Variants in RARS1 observed in about 807,000 individuals in gnomAD.
RARS1 encodes the protein arginine--tRNA ligase, cytoplasmic.
RARS1 carries 75 observed loss-of-function variants against 78.7 expected under a neutral mutation model. That is an observed-to-expected ratio of 0.95 (90% CI 0.79 to 1.15). RARS1 has a LOEUF of 1.15. Among genes scored for constraint, RARS1 ranks in the 50% most tolerant of loss-of-function variants. The pLI, the probability that RARS1 is intolerant of heterozygous loss-of-function variation, is 0.00. For synonymous variants in RARS1, 273 were observed against 268.2 expected (o/e 1.02, Z -0.18); for missense variants, 787 against 787.5 (o/e 1.00, Z 0.01).
chr5:168,505,908 A>T (rs1196011041), intron 9 of RARS1, 113 bp from the exon 10 acceptor site: 4 of 929,406 alleles, frequency 4.3e-6, no homozygotes, highest in Middle Eastern at 3.3e-4. Context: ...TCTAATAAAT[A>T]TATTTCAAAA....
At chr5:168,509,047 A>G (rs542626972) in intron 11 of RARS1, among the ~76,000 whole-genome samples, 71 of 152,220 alleles carry the variant, frequency 4.7e-4, no homozygotes, top group African/African-American at 1.7e-3. Flanking sequence ...TTGTAGAGCC[A>G]CTAGTCAGAA....
chr5:168,490,464 A>C (rs991256288), intron 2 of RARS1, among the ~76,000 whole-genome samples: 5 of 152,132 alleles, frequency 3.3e-5, no homozygotes, highest in African/African-American at 1.2e-4. Context: ...ATTTTACTAC[A>C]CATTTTTCTG....
chr5:168,503,330 T>C (rs1157559387), intron 9 of RARS1, among the ~76,000 whole-genome samples: 1 of 152,254 alleles, frequency 6.6e-6, no homozygotes, highest in Non-Finnish European at 1.5e-5. Flanking sequence ...GATTCTCTTA[T>C]GCTGAACTTT....
At chr5:168,501,055 A>G in intron 8 of RARS1, among the ~76,000 whole-genome samples, 1 of 152,230 alleles carries the variant, frequency 6.6e-6, no homozygotes, top group East Asian at 1.9e-4. Context: ...TGAGAAGTGT[A>G]CAATGAGATG....
At chr5:168,487,122 G>A (rs934864986) in intron 1 of RARS1, among the ~76,000 whole-genome samples, 5 of 152,150 alleles carry the variant, frequency 3.3e-5, no homozygotes, top group African/African-American at 1.2e-4. Flanking sequence ...CAGCACTTTG[G>A]GAGGCCGAGG....
In RARS1 at chr5:168,517,846, G is replaced by A. The variant is rs1195082542; in HGVS notation, c.1657G>A (p.Glu553Lys). The A allele has an allele frequency of 1.2e-6, 2 of 1,613,586 alleles. No individual in the cohort carries two copies. The highest frequency in any genetic ancestry group is 1.7e-5 in the Admixed American group (1 of 59,942). The change falls in exon 14 of 15, where the codon GAA becomes AAA. Residue 553 changes from glutamate to lysine, a missense_variant. Glu to Lys is a moderately conservative substitution (Grantham distance 56). Coordinates refer to ENST00000231572, the MANE Select transcript of RARS1 (RefSeq NM_002887.4). Reference sequence around the variant, plus strand: ...TGCACGTCTGGCCAATATTGATGAAGAAATGCTCCAAAAAGCTGCTCGAGA... The same window carrying A: ...TGCACGTCTGGCCAATATTGATGAAAAAATGCTCCAAAAAGCTGCTCGAGA... ...SIARLANIDE[E>K]MLQKAARETK... is the part of the protein sequence containing the mutation.
chr5:168,492,866 T>G lies in RARS1; in HGVS notation c.369+19T>G. The G allele has an allele frequency of 6.5e-7, 1 of 1,535,360 alleles. No homozygotes were observed. Among genetic ancestry groups the G allele is most frequent in the South Asian group, 1.2e-5 (1 of 84,342 alleles). On this transcript the variant is annotated intron_variant, in intron 3 of 14. Transcript: ENST00000231572. ...TTCTCAGGTGATGTATTGTCATGAC[T>G]CTTGGCTGTTTGATTTTTTTAAGTA...
intron 9 of RARS1, among the ~76,000 whole-genome samples, chr5:168,504,364 A>C (rs1758391778): frequency 6.6e-6 from 1 of 151,868 alleles, no homozygotes; most frequent in African/African-American, 2.4e-5. Flanking sequence ...TGTCTACTAA[A>C]ATACAAAAAA....
At position 168,495,295 on chromosome 5, in the gene RARS1, T is replaced by A. The variant is rs376538689; in HGVS notation, c.580-20T>A. 3 of 1,611,736 alleles carry A rather than the reference T, an allele frequency of 1.9e-6. No homozygotes were observed. Among genetic ancestry groups the A allele is most frequent in the African/African-American group, 2.7e-5 (2 of 74,838 alleles). On this transcript the variant is annotated intron_variant, in intron 5 of 14. Transcript: ENST00000231572. ...TGTTTATGCCCCTCTTAACAGCCTT[T>A]CTCTTTTTGTCTACCCCAGGTTATA...
At chr5:168,486,732 G>A (rs1312351864) in intron 1 of RARS1, among the ~76,000 whole-genome samples, 189 bp downstream of exon 1, 1 of 152,100 alleles carries the variant, frequency 6.6e-6, no homozygotes, top group Non-Finnish European at 1.5e-5. Flanking sequence ...AAGCCCGTGT[G>A]ACTGTGATTT....
At chr5:168,487,020 CT>C (rs1157758125) in intron 1 of RARS1, among the ~76,000 whole-genome samples, 1 of 152,152 alleles carries the variant, frequency 6.6e-6, no homozygotes, top group African/African-American at 2.4e-5. Flanking sequence ...ACCAGCGGAG[CT>C]TGCTCTGTGC....
At chr5:168,512,837 A>G (rs936583108) in intron 12 of RARS1, among the ~76,000 whole-genome samples, 3 of 152,188 alleles carry the variant, frequency 2.0e-5, no homozygotes, top group African/African-American at 2.4e-5. Context: ...TCCTTTGGCA[A>G]CACTCTCACA....
Position 168,494,544 on chromosome 5 carries a change from C to T in RARS1, c.479-6C>T, listed in dbSNP as rs1352831055. On this transcript the variant is annotated splice_region_variant and splice_polypyrimidine_tract_variant and intron_variant, in intron 4 of 14. Transcript: ENST00000231572. ...TATCTGATATTTTTTCTCTTCTATC[C>T]ATTAGGTTTTATTAATGTCCACTTA... 4 of 1,605,706 alleles carry T rather than the reference C, an allele frequency of 2.5e-6. No individual in the cohort carries two copies. The highest frequency in any genetic ancestry group is 2.6e-6 in the Non-Finnish European group (3 of 1,172,956).
chr5:168,518,226 CA>C (rs1178119313), intron 14 of RARS1, among the ~76,000 whole-genome samples, 164 bp downstream of exon 14: 3 of 151,476 alleles, frequency 2.0e-5, no homozygotes, highest in Non-Finnish European at 4.4e-5. Flanking sequence ...TGGACTTACA[CA>C]CGTGTGAGCC....
Position 168,492,657 on chromosome 5 carries a change from A to G in RARS1, c.181-2A>G, listed in dbSNP as rs1758108306. 1 of 1,581,110 alleles carries G rather than the reference A, an allele frequency of 6.3e-7. No individual in the cohort carries two copies. Among genetic ancestry groups the G allele is most frequent in the Non-Finnish European group, 8.7e-7 (1 of 1,152,150 alleles). On this transcript the variant is annotated splice_acceptor_variant, in intron 2 of 14. Transcript: ENST00000231572. LOFTEE classifies it high-confidence loss of function. ...TGACATGTTTCCATTCTTTTCCTAC[A>G]GAGTCTTCAGGCAGAAAGGAACAAA...
intron 1 of RARS1, among the ~76,000 whole-genome samples, chr5:168,487,120 T>C (rs140725728): frequency 0.13 from 19,784 of 152,038 alleles, 1,716 homozygotes; most frequent in Non-Finnish European, 0.19. Context: ...CCCAGCACTT[T>C]GGGAGGCCGA....
At position 168,517,899 on chromosome 5, in the gene RARS1, G is replaced by A. The variant is rs1344919697; in HGVS notation, c.1710G>A (p.Lys570=). The change falls in exon 14 of 15, where the codon AAG becomes AAA. Residue 570 remains lysine, a synonymous_variant. Transcript: ENST00000231572. ...RETKILLDHE[K]EWKLGRCILR... is the part of the protein sequence containing the mutation. ...CCAAGATTCTTTTGGATCATGAGAA[G>A]GAATGGAAACTAGGCCGGTGCATTT... 2 of 1,613,552 alleles carry A rather than the reference G, an allele frequency of 1.2e-6. No individual in the cohort carries two copies. The highest frequency in any genetic ancestry group is 1.7e-6 in the Non-Finnish European group (2 of 1,179,940).
At chr5:168,504,442 G>A (rs757055078) in intron 9 of RARS1, among the ~76,000 whole-genome samples, 11 of 151,180 alleles carry the variant, frequency 7.3e-5, no homozygotes, top group Non-Finnish European at 1.3e-4. Context: ...GGAGTCGCTT[G>A]AACCCGGGAG....
rs12153564 is a variant in RARS1 at position 168,517,199 on chromosome 5, G to A, written c.1625+249G>A. Reference sequence around the variant, plus strand: ...ACTCTGTTGCCCACGCTGGAGTGCAGTGGCGCGATCTCGGCTCACTGCAAC... The same window carrying A: ...ACTCTGTTGCCCACGCTGGAGTGCAATGGCGCGATCTCGGCTCACTGCAAC... On this transcript the variant is annotated intron_variant, in intron 13 of 14. Transcript: ENST00000231572. Among the ~76,000 whole-genome samples, 19,777 of 151,966 alleles carry A rather than the reference G, an allele frequency of 0.13. 1,715 individuals carry two copies. The highest frequency in any genetic ancestry group is 0.19 in the Non-Finnish European group (13,023 of 67,930).
Sources: gnomAD v4.1 joint callset for allele counts (sites outside exome capture counted in the v4.1 genomes callset) on GRCh38, gnomAD v4.1.1 for gene constraint, MANE v1.5 for transcripts, NCBI Gene and HGNC (gene_info 2026-07-23, HGNC 2026-07-21) for gene names.